Variants in NUBPL observed in about 807,000 individuals in gnomAD.
NUBPL encodes the protein iron-sulfur cluster transfer protein NUBPL.
NUBPL carries 31 observed loss-of-function variants against 45.7 expected under a neutral mutation model. The observed-to-expected ratio is 0.68, with a 90% CI of 0.51 to 0.92. The LOEUF is 0.92. Among genes scored for constraint, NUBPL ranks in the 40% least tolerant of loss-of-function variants. The probability of loss-of-function intolerance (pLI) is 0.00; values close to 1 mark genes in which losing one functional copy is unlikely to be tolerated. For missense variants in NUBPL, 401 were observed against 398.7 expected (o/e 1.01, Z -0.05); for synonymous variants, 144 against 140.9 (o/e 1.02, Z -0.15).
chr14:31,607,451 A>G (rs2034634426), intron 4 of NUBPL, among the ~76,000 whole-genome samples: 1 of 152,046 alleles, frequency 6.6e-6, no homozygotes, highest in South Asian at 2.1e-4. Flanking sequence ...AAAGAATTCA[A>G]AATAGCTGTG....
At chr14:31,770,842 G>A (rs2038996236) in intron 6 of NUBPL, among the ~76,000 whole-genome samples, 1 of 152,134 alleles carries the variant, frequency 6.6e-6, no homozygotes, top group Non-Finnish European at 1.5e-5. Context: ...TTTTCTCACT[G>A]TTATAATTTT....
chr14:31,734,214 A>AC (rs2038114893), intron 6 of NUBPL, among the ~76,000 whole-genome samples: 1 of 152,194 alleles, frequency 6.6e-6, no homozygotes, highest in South Asian at 2.1e-4. Context: ...TTCACATAAA[A>AC]GGCTTCAGAA....
At chr14:31,812,809 A>T (rs1374741026) in intron 7 of NUBPL, among the ~76,000 whole-genome samples, 1 of 152,052 alleles carries the variant, frequency 6.6e-6, no homozygotes, top group Non-Finnish European at 1.5e-5. Context: ...CAGAAGGAGG[A>T]AGCAGGGAGG....
chr14:31,783,515 C>CTTTTTTT (rs71430995), intron 6 of NUBPL, among the ~76,000 whole-genome samples: 3 of 129,218 alleles, frequency 2.3e-5, no homozygotes, highest in Non-Finnish European at 4.8e-5. Context: ...AATAGCAGTT[C>CTTTTTTT]TTTTTTTTTT....
rs145657957 is a variant in NUBPL, at chr14:31,857,935, C to G, written c.898-1183C>G. Among the ~76,000 whole-genome samples the G allele has an allele frequency of 2.4e-4, 36 of 152,308 alleles. No homozygotes were observed. The Middle Eastern group carries it at 0.01, about 43-fold the overall frequency. ...AAGTCACTTCCACATTTTCGGGTATCTTTTCAGCAACGCCACACTCTACTG... is the reference window on the plus strand; with the variant it reads ...AAGTCACTTCCACATTTTCGGGTATGTTTTCAGCAACGCCACACTCTACTG... On this transcript the variant is annotated intron_variant, in intron 10 of 10. Transcript: ENST00000281081.
At chr14:31,809,157 T>C (rs1013470691) in intron 7 of NUBPL, among the ~76,000 whole-genome samples, 7 of 152,234 alleles carry the variant, frequency 4.6e-5, no homozygotes, top group African/African-American at 1.4e-4. Flanking sequence ...GGATTCCCTC[T>C]TTTTCTTCTG....
At chr14:31,736,463 T>C (rs2038167901) in intron 6 of NUBPL, among the ~76,000 whole-genome samples, 1 of 152,212 alleles carries the variant, frequency 6.6e-6, no homozygotes, top group Non-Finnish European at 1.5e-5. Context: ...TTGAACTTCA[T>C]GTAGATAAAA....
intron 4 of NUBPL, among the ~76,000 whole-genome samples, chr14:31,636,185 G>A (rs2139678413): frequency 6.6e-6 from 1 of 152,168 alleles, no homozygotes; most frequent in Admixed American, 6.5e-5. Context: ...CAAAGGGAAT[G>A]CTTCCAGTTT....
At chr14:31,757,034 C>T (rs7494358) in intron 6 of NUBPL, among the ~76,000 whole-genome samples, 69,139 of 151,704 alleles carry the variant, frequency 0.46, 16,895 homozygotes, top group African/African-American at 0.64. Flanking sequence ...ACCAGCCTTG[C>T]ATCCCAGGGA....
In NUBPL at chr14:31,668,494, G is replaced by T. The variant is rs766102022; in HGVS notation, c.383-4861G>T. 5.1e-4 allele frequency among the ~76,000 whole-genome samples: 78 copies of T among 152,172 alleles called. 1 individual carries two copies. Among genetic ancestry groups the T allele is most frequent in the Non-Finnish European group, 9.3e-4 (63 of 68,032 alleles). On this transcript the variant is annotated intron_variant, in intron 4 of 10. Transcript: ENST00000281081. ...AAGCCAGTGGATCTTAGCTTGCCGG[G>T]CTCTGTAGGGGTGGGACTCACTAAG...
intron 6 of NUBPL, among the ~76,000 whole-genome samples, chr14:31,693,034 T>C (rs751547876): frequency 3.3e-5 from 5 of 152,186 alleles, no homozygotes; most frequent in African/African-American, 7.2e-5. Flanking sequence ...TAAGTTTTTA[T>C]TACAAGTGCC....
intron 6 of NUBPL, among the ~76,000 whole-genome samples, chr14:31,759,377 G>T (rs946113096): frequency 2.6e-5 from 4 of 151,468 alleles, no homozygotes; most frequent in African/African-American, 9.7e-5. Context: ...GCATATAGTC[G>T]TATCTTTTTT....
chr14:31,692,010 GA>G (rs1476405898), intron 6 of NUBPL, among the ~76,000 whole-genome samples: 1 of 152,038 alleles, frequency 6.6e-6, no homozygotes, highest in African/African-American at 2.4e-5. Context: ...GATGCCTTGG[GA>G]AAAAAGCATG....
chr14:31,824,650 T>A (rs1425357110), intron 7 of NUBPL, among the ~76,000 whole-genome samples: 1 of 152,192 alleles, frequency 6.6e-6, no homozygotes, highest in African/African-American at 2.4e-5. Context: ...ATGTGCTTTG[T>A]GATAACTTAG....
intron 6 of NUBPL, among the ~76,000 whole-genome samples, chr14:31,731,624 C>T (rs2139977206): frequency 6.6e-6 from 1 of 152,280 alleles, no homozygotes; most frequent in African/African-American, 2.4e-5. Context: ...ATTATAAACT[C>T]AAATACTGCT....
At chr14:31,673,148 T>C (rs1356790938) in intron 4 of NUBPL, among the ~76,000 whole-genome samples, 1 of 152,230 alleles carries the variant, frequency 6.6e-6, no homozygotes, top group African/African-American at 2.4e-5. Flanking sequence ...TGATGTGGAA[T>C]GCTAATTAGC....
chr14:31,652,286 G>A (rs890066291), intron 4 of NUBPL, among the ~76,000 whole-genome samples: 13 of 152,186 alleles, frequency 8.5e-5, no homozygotes, highest in Admixed American at 6.5e-4. Context: ...TGGTTACCAG[G>A]GGTTCCAAAT....
chr14:31,676,924 T>A (rs2036713370), intron 6 of NUBPL, among the ~76,000 whole-genome samples: 2 of 152,060 alleles, frequency 1.3e-5, no homozygotes, highest in Admixed American at 1.3e-4. Context: ...TTCCAATTTC[T>A]TATCTTTTTT....
In NUBPL at chr14:31,599,249, GT is replaced by G. The variant is rs2139556429; in HGVS notation, c.292-35del. On this transcript the variant is annotated intron_variant, in intron 3 of 10. Transcript: ENST00000281081. ...AGTGGGAACAATCTTATGGTAAAGT[GT>G]TTTTGTTTTGTTTTATATTTTTATT... 2.1e-6 allele frequency: 3 copies of G among 1,426,672 alleles called. No homozygotes were observed. In the East Asian group the frequency reaches 6.9e-5, roughly 33 times the overall value. The allele number at this position is 1,426,672 out of a possible 1,614,324, so 88.4% of individuals were successfully genotyped here.
Sources: gnomAD v4.1 joint callset for allele counts (sites outside exome capture counted in the v4.1 genomes callset) on GRCh38, gnomAD v4.1.1 for gene constraint, MANE v1.5 for transcripts, NCBI Gene and HGNC (gene_info 2026-07-23, HGNC 2026-07-21) for gene names.